The following AKAP13 variants were observed in gnomAD, a reference collection of about 807,000 sequenced individuals.
AKAP13 encodes the protein A-kinase anchor protein 13.
AKAP13 carries 80 observed loss-of-function variants against 264.5 expected under a neutral mutation model. That is an observed-to-expected ratio of 0.30 (90% CI 0.25 to 0.36). The LOEUF is 0.36. Among genes scored for constraint, AKAP13 ranks in the 10% least tolerant of loss-of-function variants. The pLI, the probability that AKAP13 is intolerant of heterozygous loss-of-function variation, is 1.00. For synonymous variants in AKAP13, 1,380 were observed against 1,250.2 expected (o/e 1.10, Z -2.19); for missense variants, 3,712 against 3,435.2 (o/e 1.08, Z -2.01).
chr15:85,668,423 G>C (rs988565865), intron 13 of AKAP13, among the ~76,000 whole-genome samples: 9 of 152,280 alleles, frequency 5.9e-5, no homozygotes, highest in African/African-American at 2.2e-4. Flanking sequence ...TGTCTTTCAG[G>C]GATGTTGTAC....
At chr15:85,694,901 A>G (rs1202490265) in intron 17 of AKAP13, among the ~76,000 whole-genome samples, 3 of 152,168 alleles carry the variant, frequency 2.0e-5, no homozygotes, top group Non-Finnish European at 4.4e-5. Context: ...TCAGTCATTT[A>G]TGTTGGATAT....
chr15:85,647,714 G>A (rs1184175917), intron 10 of AKAP13, among the ~76,000 whole-genome samples: 1 of 152,166 alleles, frequency 6.6e-6, no homozygotes, highest in Non-Finnish European at 1.5e-5. Flanking sequence ...GGGAGGCTGA[G>A]GCGGGCTGAT....
intron 1 of AKAP13, among the ~76,000 whole-genome samples, chr15:85,441,347 T>A (rs908733742): frequency 6.6e-6 from 1 of 152,216 alleles, no homozygotes; most frequent in African/African-American, 2.4e-5. Flanking sequence ...AAAAATTTAC[T>A]GTTTTTGTAT....
intron 5 of AKAP13, among the ~76,000 whole-genome samples, chr15:85,548,357 T>C (rs1032231880): frequency 2.6e-5 from 4 of 152,220 alleles, no homozygotes; most frequent in African/African-American, 9.6e-5. Context: ...GGCTTATTTG[T>C]CATACAGATT....
intron 2 of AKAP13, among the ~76,000 whole-genome samples, chr15:85,504,515 AAAAAAAAAAAAAAAAAAAAAG>A (rs1567092308): frequency 2.4e-4 from 10 of 41,290 alleles, no homozygotes; most frequent in Admixed American, 1.4e-3. Context: ...AAAAAAAAAA[AAAAAAAAAAAAAAAAAAAAAG>A]AAAAAATTAG....
intron 1 of AKAP13, among the ~76,000 whole-genome samples, chr15:85,387,575 G>T (rs989189825): frequency 6.6e-6 from 1 of 152,074 alleles, no homozygotes; most frequent in Non-Finnish European, 1.5e-5. Context: ...TCCTCCCACT[G>T]TGGCCTCCCA....
intron 3 of AKAP13, among the ~76,000 whole-genome samples, chr15:85,531,394 A>G (rs775143103): frequency 2.0e-5 from 3 of 152,056 alleles, no homozygotes; most frequent in Non-Finnish European, 2.9e-5. Flanking sequence ...ACTCATCTTC[A>G]CCTTCTGATC....
intron 5 of AKAP13, among the ~76,000 whole-genome samples, chr15:85,557,820 AC>A (rs1333568179): frequency 6.6e-6 from 1 of 152,168 alleles, no homozygotes; most frequent in Non-Finnish European, 1.5e-5. Flanking sequence ...ATATTTGGAT[AC>A]TTTTGATTTT....
rs1295154076 is a variant in AKAP13, at chr15:85,718,635, C to T, written c.6002-441C>T. On this transcript the variant is annotated intron_variant, in intron 22 of 36. Transcript: ENST00000394518. The surrounding 1 kb of genome is among the most constrained non-coding windows in gnomAD (Gnocchi z 4.9). ...GAAAACACTTGACCAGGCTCAGCGG[C>T]TCATACCTGTAATCCCAGCACTCTG... 1.3e-5 allele frequency among the ~76,000 whole-genome samples: 2 copies of T among 152,174 alleles called. No individual in the cohort carries two copies. Among genetic ancestry groups the T allele is most frequent in the Admixed American group, 6.5e-5 (1 of 15,288 alleles).
At chr15:85,619,724 CTTTAT>C in intron 8 of AKAP13, 1 of 1,007,496 alleles carries the variant, frequency 9.9e-7, no homozygotes, top group Non-Finnish European at 1.2e-6. Flanking sequence ...CCAGTTTATT[CTTTAT>C]TTTTTTACTG....
At chr15:85,610,217 A>G (rs2080542400) in intron 8 of AKAP13, among the ~76,000 whole-genome samples, 1 of 152,120 alleles carries the variant, frequency 6.6e-6, no homozygotes, top group Non-Finnish European at 1.5e-5. Context: ...CTTTTACCTC[A>G]TTGCCTTTGT....
chr15:85,637,890 T>G (rs982273085), intron 8 of AKAP13, among the ~76,000 whole-genome samples: 56 of 150,676 alleles, frequency 3.7e-4, no homozygotes, highest in Non-Finnish European at 3.0e-4. Context: ...AGAAGTTTTT[T>G]TTTTTTTTTT....
intron 17 of AKAP13, among the ~76,000 whole-genome samples, chr15:85,700,854 A>G (rs7166540): frequency 0.18 from 26,660 of 152,138 alleles, 2,592 homozygotes; most frequent in Non-Finnish European, 0.22. Context: ...ATTTATCTAC[A>G]TGAAGAACGT....
chr15:85,504,105 C>G lies in AKAP13; in HGVS notation c.34-17323C>G, dbSNP rs189627029. Among the ~76,000 whole-genome samples the G allele has an allele frequency of 2.0e-4, 30 of 152,210 alleles. No individual in the cohort carries two copies. In the East Asian group the frequency reaches 3.3e-3, roughly 17 times the overall value. ...CCTGGAGTCCCAACTTAATTGATGA[C>G]TTTGGAGAAAAACAAGAGAACTGAG... On this transcript the variant is annotated intron_variant, in intron 2 of 36. Coordinates refer to ENST00000394518, the MANE Select transcript of AKAP13 (RefSeq NM_007200.5).
chr15:85,509,552 A>G (rs1007262530), intron 2 of AKAP13, among the ~76,000 whole-genome samples: 1 of 152,098 alleles, frequency 6.6e-6, no homozygotes, highest in Non-Finnish European at 1.5e-5. Context: ...TTACGTTCTC[A>G]TCCTAAGGAG....
intron 1 of AKAP13, among the ~76,000 whole-genome samples, chr15:85,397,968 T>C (rs1457930351): frequency 6.6e-6 from 1 of 152,158 alleles, no homozygotes; most frequent in Non-Finnish European, 1.5e-5. Flanking sequence ...ATTCTAATCC[T>C]CACAAAATGT....
At chr15:85,684,896 C>G in intron 16 of AKAP13, 23 bp downstream of exon 16, 5 of 1,611,348 alleles carry the variant, frequency 3.1e-6, no homozygotes, top group African/African-American at 1.3e-5. Flanking sequence ...GTGGGCATTG[C>G]TTGTGATCAC....
intron 2 of AKAP13, among the ~76,000 whole-genome samples, chr15:85,512,780 A>T (rs140047547): frequency 3.4e-4 from 51 of 152,036 alleles, no homozygotes; most frequent in African/African-American, 1.2e-3. Context: ...TTCCTTTCTC[A>T]CCTTTACCAT....
At chr15:85,544,204 CTT>C (rs1356260120) in intron 5 of AKAP13, 4 of 624,602 alleles carry the variant, frequency 6.4e-6, no homozygotes, top group Non-Finnish European at 8.9e-6. Flanking sequence ...ATTCTTATCT[CTT>C]ATATTTTACT....
Sources: allele counts gnomAD v4.1 joint callset (sites outside exome capture counted in the v4.1 genomes callset), GRCh38; gene constraint gnomAD v4.1.1; non-coding constraint Gnocchi (gnomAD v3.1); transcripts MANE v1.5; gene names NCBI Gene and HGNC (gene_info 2026-07-23, HGNC 2026-07-21).